The following SGMS2 variants were observed in gnomAD, a reference collection of about 807,000 sequenced individuals.
SGMS2 encodes the protein sphingomyelin synthase 2, also known as phosphatidylcholine:ceramide cholinephosphotransferase 2.
SGMS2 carries 21 observed loss-of-function variants against 43.8 expected under a neutral mutation model. The observed-to-expected ratio is 0.48, with a 90% CI of 0.34 to 0.69. The LOEUF is 0.69. Among genes scored for constraint, SGMS2 ranks in the 30% least tolerant of loss-of-function variants. SGMS2 has a pLI of 0.01. For synonymous variants in SGMS2, 167 were observed against 160.6 expected, an observed-to-expected ratio of 1.04 and a Z score of -0.30; for missense variants, 384 against 443.2, an observed-to-expected ratio of 0.87 and a Z score of 1.20.
At chr4:107,851,351 C>T (rs1436123462) in intron 1 of SGMS2, among the ~76,000 whole-genome samples, 1 of 152,122 alleles carries the variant, frequency 6.6e-6, no homozygotes, top group Non-Finnish European at 1.5e-5. Context: ...TCTTAGAAAT[C>T]TTAAGAACAA....
chr4:107,909,386 T>C (rs28654377), intron 6 of SGMS2, among the ~76,000 whole-genome samples: 48,632 of 152,044 alleles, frequency 0.32, 8,991 homozygotes, highest in African/African-American at 0.51. Flanking sequence ...GCCAGGATTA[T>C]AGGCGTGAAC....
At chr4:107,865,224 G>A (rs1484870771) in intron 2 of SGMS2, among the ~76,000 whole-genome samples, 1 of 152,156 alleles carries the variant, frequency 6.6e-6, no homozygotes, top group East Asian at 1.9e-4. Flanking sequence ...ATCTGGCTTA[G>A]GAGTGTATGT....
At chr4:107,843,305 C>T (rs191070273) in intron 1 of SGMS2, among the ~76,000 whole-genome samples, 10 of 152,024 alleles carry the variant, frequency 6.6e-5, no homozygotes, top group Non-Finnish European at 1.0e-4. Flanking sequence ...TTCTCAAAAA[C>T]GTTTTTACTT....
chr4:107,853,397 T>G (rs1403378543), intron 1 of SGMS2, among the ~76,000 whole-genome samples: 1 of 152,226 alleles, frequency 6.6e-6, no homozygotes, highest in Non-Finnish European at 1.5e-5. Flanking sequence ...ATAATAAACT[T>G]TCACTCTGAA....
At chr4:107,861,240 G>A (rs993060454) in intron 2 of SGMS2, among the ~76,000 whole-genome samples, 1 of 152,170 alleles carries the variant, frequency 6.6e-6, no homozygotes, top group Admixed American at 6.6e-5. Flanking sequence ...GTTTCAGCAT[G>A]GGAACAAACA....
At chr4:107,862,190 G>T (rs1727772181) in intron 2 of SGMS2, among the ~76,000 whole-genome samples, 1 of 152,200 alleles carries the variant, frequency 6.6e-6, no homozygotes, top group Admixed American at 6.5e-5. Context: ...AGCCGTAACT[G>T]TCGGAGAATG....
chr4:107,836,086 A>G (rs1245452819), intron 1 of SGMS2, among the ~76,000 whole-genome samples: 17 of 152,274 alleles, frequency 1.1e-4, no homozygotes, highest in African/African-American at 3.1e-4. Flanking sequence ...GTTATAATCA[A>G]TATAAAATTC....
At chr4:107,830,934 A>G (rs1228723984) in intron 1 of SGMS2, among the ~76,000 whole-genome samples, 1 of 152,116 alleles carries the variant, frequency 6.6e-6, no homozygotes, top group African/African-American at 2.4e-5. Flanking sequence ...TAGTGTTGAT[A>G]AATAGTGGTG....
intron 5 of SGMS2, among the ~76,000 whole-genome samples, 176 bp from the exon 6 acceptor site, chr4:107,908,389 C>T (rs1390541749): frequency 6.6e-6 from 1 of 152,170 alleles, no homozygotes; most frequent in Non-Finnish European, 1.5e-5. Context: ...CCTCTGCCTC[C>T]CTCCTACCTG....
chr4:107,890,698 G>A (rs1395488658), intron 2 of SGMS2, among the ~76,000 whole-genome samples: 3 of 151,016 alleles, frequency 2.0e-5, no homozygotes, highest in African/African-American at 7.3e-5. Context: ...AAAAGACAAG[G>A]TCCTGGGGGA....
At chr4:107,904,184 T>C (rs137961399) in intron 5 of SGMS2, among the ~76,000 whole-genome samples, 23 of 152,330 alleles carry the variant, frequency 1.5e-4, no homozygotes, top group African/African-American at 5.5e-4. Flanking sequence ...ATAATGCTTC[T>C]TCCTTCATGT....
At chr4:107,890,136 G>A (rs555179092) in intron 2 of SGMS2, among the ~76,000 whole-genome samples, 2 of 152,104 alleles carry the variant, frequency 1.3e-5, no homozygotes, top group Non-Finnish European at 2.9e-5. Flanking sequence ...AATAAATCAG[G>A]TAACAATATA....
At chr4:107,908,440 T>C (rs994102015) in intron 5 of SGMS2, 125 bp from the exon 6 acceptor site, 11 of 944,994 alleles carry the variant, frequency 1.2e-5, no homozygotes, top group African/African-American at 4.9e-5. Flanking sequence ...GTTTAGGTTA[T>C]CAGTTTTATC....
intron 2 of SGMS2, among the ~76,000 whole-genome samples, chr4:107,868,573 C>T (rs1270701178): frequency 2.0e-5 from 3 of 152,086 alleles, no homozygotes; most frequent in Non-Finnish European, 4.4e-5. Flanking sequence ...CAAAAATCAG[C>T]TGGGCGTTGT....
intron 1 of SGMS2, among the ~76,000 whole-genome samples, chr4:107,848,895 T>C (rs1375793482): frequency 6.6e-6 from 1 of 152,198 alleles, no homozygotes; most frequent in Non-Finnish European, 1.5e-5. Context: ...GTTTTTAATT[T>C]TAATGGAGTC....
At chr4:107,831,268 T>C (rs562817994) in intron 1 of SGMS2, among the ~76,000 whole-genome samples, 1 of 152,262 alleles carries the variant, frequency 6.6e-6, no homozygotes, top group African/African-American at 2.4e-5. Flanking sequence ...TAGGACTGTA[T>C]GTGTATGCTC....
chr4:107,864,287 A>C (rs948294300), intron 2 of SGMS2: 2 of 152,238 alleles, frequency 1.3e-5, no homozygotes, highest in Non-Finnish European at 2.9e-5. Context: ...AATGTTTTGT[A>C]GTAGTGACTA....
At chr4:107,862,583 C>G (rs1727803040) in intron 2 of SGMS2, among the ~76,000 whole-genome samples, 1 of 152,056 alleles carries the variant, frequency 6.6e-6, no homozygotes, top group Non-Finnish European at 1.5e-5. Flanking sequence ...GCCTATATTT[C>G]AGCTACAAAG....
intron 1 of SGMS2, among the ~76,000 whole-genome samples, chr4:107,827,096 AGT>A (rs1194811973): frequency 2.0e-5 from 3 of 152,120 alleles, no homozygotes; most frequent in Non-Finnish European, 4.4e-5. Context: ...ATGGAGTATC[AGT>A]GAGAACTTTT....
Sources: allele counts gnomAD v4.1 joint callset (sites outside exome capture counted in the v4.1 genomes callset), GRCh38; gene constraint gnomAD v4.1.1; transcripts MANE v1.5; gene names NCBI Gene and HGNC (gene_info 2026-07-23, HGNC 2026-07-21).